The following EFCAB8 variants were observed in gnomAD, a reference collection of about 807,000 sequenced individuals.
EFCAB8 encodes the protein EF-hand calcium-binding domain-containing protein 8.
Under a neutral mutation model 116.3 loss-of-function variants are expected in EFCAB8, and 100 were observed. That is an observed-to-expected ratio of 0.86 (90% CI 0.73 to 1.02). The LOEUF (loss-of-function observed/expected upper bound fraction) is 1.02, where lower values mean the gene tolerates loss of function less well. EFCAB8 is among the 50% of genes least tolerant of loss of function. The pLI is 0.00. For synonymous variants in EFCAB8, 558 were observed against 567.9 expected (o/e 0.98, Z 0.25); for missense variants, 1,320 against 1,416.9 (o/e 0.93, Z 1.10).
At chr20:32,935,065 T>G (rs1988049677) in intron 22 of EFCAB8, among the ~76,000 whole-genome samples, 1 of 152,124 alleles carries the variant, frequency 6.6e-6, no homozygotes, top group Non-Finnish European at 1.5e-5. Flanking sequence ...TTTTTCCTAA[T>G]GATTAGTGGT....
intron 17 of EFCAB8, chr20:32,916,918 G>C (rs996471655): frequency 5.7e-6 from 1 of 175,386 alleles, no homozygotes. Flanking sequence ...TCTCTGTGAA[G>C]TCTTTAGGGT....
intron 20 of EFCAB8, among the ~76,000 whole-genome samples, chr20:32,921,484 G>A (rs1481610283): frequency 6.6e-6 from 1 of 151,620 alleles, no homozygotes; most frequent in East Asian, 1.9e-4. Flanking sequence ...CCAAAGTGTT[G>A]GGATTACAGA....
At chr20:32,956,110 C>T (rs1305948830) in intron 23 of EFCAB8, among the ~76,000 whole-genome samples, 1 of 151,500 alleles carries the variant, frequency 6.6e-6, no homozygotes, top group African/African-American at 2.4e-5. Flanking sequence ...GTTTTATGTC[C>T]TCTGCTCTTT....
chr20:32,961,309 G>A lies in EFCAB8; in HGVS notation c.3567G>A (p.Thr1189=), dbSNP rs1486983646. Residue 1189 remains threonine, a synonymous_variant, in exon 27 of 27, where the codon ACG becomes ACA. Coordinates refer to ENST00000400522, the MANE Select transcript of EFCAB8 (RefSeq NM_001143967.2). ...PSREQAVLDT[T]DSTPAAASSP... ...GGGAGCAGGCTGTGCTGGATACCAC[G>A]GACAGCACGCCTGCGGCCGCCTCCT... is the stretch of plus-strand genomic sequence containing the variant. 5.2e-6 allele frequency: 8 copies of A among 1,524,136 alleles called. No individual in the cohort carries two copies. The highest frequency in any genetic ancestry group is 4.9e-5 in the East Asian group (2 of 40,632). The allele number at this position is 1,524,136 out of a possible 1,614,324, so 94.4% of individuals were successfully genotyped here. A position where few individuals can be genotyped will look rare whatever the true frequency, so the allele number is the denominator to read the frequency against.
rs1490549381 is a variant in EFCAB8, at chr20:32,885,563, G to C, written c.490G>C (p.Gly164Arg). The stretch of plus-strand genomic sequence containing the variant: ...TTTAATCCACCGGTTCAAGAAGATC[G>C]GGTGTTTCCTGACTGTCACCAAAGA... The part of the protein sequence containing the change: ...VFLIHRFKKI[G>R]CFLTVTKDGI... Residue 164 changes from glycine (G) to arginine (R), a missense_variant, in exon 6 of 27, where the codon GGG becomes CGG. Gly to Arg is a moderately radical substitution (Grantham distance 125). Coordinates refer to ENST00000400522, the MANE Select transcript of EFCAB8 (RefSeq NM_001143967.2). 1 of 1,551,750 alleles carries C rather than the reference G, an allele frequency of 6.4e-7. No homozygotes were observed. The highest frequency in any genetic ancestry group is 2.0e-5 in the Admixed American group (1 of 51,002).
chr20:32,867,778 G>A, intron 3 of EFCAB8, 31 bp downstream of exon 3: 3 of 1,546,182 alleles, frequency 1.9e-6, no homozygotes, highest in Non-Finnish European at 2.6e-6. Flanking sequence ...CGGTTTTTGT[G>A]TGAGTTCTGC....
intron 13 of EFCAB8, among the ~76,000 whole-genome samples, chr20:32,907,708 A>G (rs1465844915): frequency 6.6e-6 from 1 of 152,118 alleles, no homozygotes; most frequent in Non-Finnish European, 1.5e-5. Flanking sequence ...ATCGCCTCTG[A>G]TGAAGGGTCT....
chr20:32,912,651 A>G (rs551484012), intron 16 of EFCAB8, 143 bp from the exon 17 acceptor site: 33 of 675,514 alleles, frequency 4.9e-5, no homozygotes, highest in Admixed American at 1.2e-4. Context: ...ACATGATGAC[A>G]AATACATGGT....
chr20:32,955,981 T>C (rs1448724340), intron 23 of EFCAB8, among the ~76,000 whole-genome samples: 2 of 151,752 alleles, frequency 1.3e-5, no homozygotes, highest in South Asian at 4.1e-4. Flanking sequence ...TCAACAATTA[T>C]GTAGTTGGGT....
intron 26 of EFCAB8, 88 bp downstream of exon 26, chr20:32,960,249 A>T (rs1989106820): frequency 8.2e-7 from 1 of 1,223,096 alleles, no homozygotes; most frequent in South Asian, 1.4e-5. Flanking sequence ...GTGCCCACAC[A>T]GCCCTTCAGT....
Position 32,906,990 on chromosome 20 carries a change from A to T in EFCAB8, c.1304A>T (p.Asp435Val). The T allele has an allele frequency of 6.6e-7, 1 of 1,514,588 alleles. No individual in the cohort carries two copies. The highest frequency in any genetic ancestry group is 8.9e-7 in the Non-Finnish European group (1 of 1,127,010). The allele number at this position is 1,514,588 out of a possible 1,614,324, so 93.8% of individuals were successfully genotyped here. ...NNSILISVSK[D>V]KNIRVWDMLD... is the part of the protein sequence containing the mutation. The stretch of plus-strand genomic sequence containing the variant: ...AGCATCCTCATCAGTGTCTCCAAGG[A>T]CAAGGTCCGCCCCGACGGTCCGCCT... Residue 435 changes from aspartate (D) to valine (V), a missense_variant, in exon 13 of 27, where the codon GAC becomes GTC. Asp to Val is a radical substitution (Grantham distance 152). Coordinates refer to ENST00000400522, the MANE Select transcript of EFCAB8 (RefSeq NM_001143967.2).
intron 3 of EFCAB8, among the ~76,000 whole-genome samples, chr20:32,872,754 A>T (rs1984748052): frequency 6.6e-6 from 1 of 151,618 alleles, no homozygotes; most frequent in South Asian, 2.1e-4. Context: ...AGATCATGCC[A>T]CCACACTCCA....
At chr20:32,898,240 TAAC>T (rs1986257848) in intron 10 of EFCAB8, 1 of 418,548 alleles carries the variant, frequency 2.4e-6, no homozygotes, top group African/African-American at 2.0e-5. Context: ...CCCCATCCTC[TAAC>T]TCACAAGATT....
At chr20:32,951,479 T>C (rs888805514) in intron 23 of EFCAB8, among the ~76,000 whole-genome samples, 5 of 152,194 alleles carry the variant, frequency 3.3e-5, no homozygotes, top group Non-Finnish European at 7.3e-5. Flanking sequence ...CCTGCATCTA[T>C]TTATATAAAA....
chr20:32,943,198 C>T (rs1988459165), intron 22 of EFCAB8, among the ~76,000 whole-genome samples: 1 of 152,246 alleles, frequency 6.6e-6, no homozygotes. Flanking sequence ...GGCCCCATCA[C>T]TTTCTAGCTA....
intron 22 of EFCAB8, among the ~76,000 whole-genome samples, chr20:32,942,353 A>T (rs904096203): frequency 1.3e-5 from 2 of 152,024 alleles, no homozygotes. Context: ...CTACTTTTCT[A>T]TTGTGGTAAC....
Position 32,889,425 on chromosome 20 carries a change from C to T in EFCAB8, c.673+19C>T. 5 of 1,548,172 alleles carry T rather than the reference C, an allele frequency of 3.2e-6. No individual in the cohort carries two copies. Among genetic ancestry groups the T allele is most frequent in the Non-Finnish European group, 4.4e-6 (5 of 1,143,768 alleles). On this transcript the variant is annotated intron_variant, in intron 7 of 26. Coordinates refer to ENST00000400522, the MANE Select transcript of EFCAB8 (RefSeq NM_001143967.2). ...AAGATAGGTGAGTCCCTGGGGGCTT[C>T]CCAGCTCTGCTCTCAGCCACTGGGA...
chr20:32,891,306 G>GGACCTGGTCTGCTGGGCCC, intron 7 of EFCAB8, among the ~76,000 whole-genome samples: 1 of 152,126 alleles, frequency 6.6e-6, no homozygotes, highest in East Asian at 1.9e-4. Flanking sequence ...ATGATGGGCT[G>GGACCTGGTCTGCTGGGCCC]GACCTGGTCT....
chr20:32,917,635 G>T (rs1454730646), intron 18 of EFCAB8, 130 bp downstream of exon 18: 1 of 1,056,876 alleles, frequency 9.5e-7, no homozygotes, highest in African/African-American at 1.6e-5. Flanking sequence ...GGATGGGGTG[G>T]GGAGCTTGGT....
Sources: gnomAD v4.1 joint callset for allele counts (sites outside exome capture counted in the v4.1 genomes callset) on GRCh38, gnomAD v4.1.1 for gene constraint, MANE v1.5 for transcripts, NCBI Gene and HGNC (gene_info 2026-07-23, HGNC 2026-07-21) for gene names.